GALNTL6: variants seen among roughly 807,000 people sequenced by gnomAD.
GALNTL6 encodes polypeptide N-acetylgalactosaminyltransferase-like 6.
Under a neutral mutation model 73.7 loss-of-function variants are expected in GALNTL6, and 46 were observed. The observed-to-expected ratio is 0.62, with a 90% CI of 0.49 to 0.80. The LOEUF is 0.80. Ranked by LOEUF, GALNTL6 falls within the 30% of genes least tolerant of loss-of-function variation. The pLI is 0.00. For synonymous variants in GALNTL6, 259 were observed against 263.7 expected (o/e 0.98, Z 0.17); for missense variants, 604 against 755.0 (o/e 0.80, Z 2.34).
Position 172,370,635 on chromosome 4 carries a change from A to AT in GALNTL6, c.553+21946_553+21947insT, listed in dbSNP as rs1367530623. 3.3e-5 allele frequency among the ~76,000 whole-genome samples: 5 copies of AT among 151,372 alleles called. No homozygotes were observed. The East Asian group carries it at 7.8e-4, about 24-fold the overall frequency. ...GACAGAGTGAGACTCCATCTCAAAA[A>AT]AAAAAAAAAAAAAAAAGAGTTTGAA... On this transcript the variant is annotated intron_variant, in intron 5 of 12. Coordinates refer to ENST00000506823, the MANE Select transcript of GALNTL6 (RefSeq NM_001034845.3).
At chr4:172,896,580 T>C (rs949349554) in intron 8 of GALNTL6, among the ~76,000 whole-genome samples, 6 of 151,750 alleles carry the variant, frequency 4.0e-5, no homozygotes, top group South Asian at 2.1e-4. Context: ...GGATCCTCAA[T>C]TGCAACAAGG....
chr4:172,276,673 C>A (rs894675658), intron 3 of GALNTL6, among the ~76,000 whole-genome samples: 2 of 151,912 alleles, frequency 1.3e-5, no homozygotes, highest in African/African-American at 2.4e-5. Context: ...AATCACACAA[C>A]CAACTAGGTT....
At chr4:172,286,031 C>T (rs1033775493) in intron 3 of GALNTL6, among the ~76,000 whole-genome samples, 7 of 152,142 alleles carry the variant, frequency 4.6e-5, no homozygotes, top group African/African-American at 9.7e-5. Flanking sequence ...TGCCATGAGT[C>T]GAAAGCATTG....
At chr4:172,457,250 G>C (rs1194941629) in intron 5 of GALNTL6, among the ~76,000 whole-genome samples, 2 of 150,874 alleles carry the variant, frequency 1.3e-5, no homozygotes, top group African/African-American at 4.9e-5. Context: ...ACCAGCCACT[G>C]CAAAAACATA....
At chr4:172,010,136 C>G (rs1173640075) in intron 2 of GALNTL6, among the ~76,000 whole-genome samples, 1 of 152,060 alleles carries the variant, frequency 6.6e-6, no homozygotes, top group Non-Finnish European at 1.5e-5. Flanking sequence ...TTATTGCTCC[C>G]TTTGCCTAGG....
intron 5 of GALNTL6, among the ~76,000 whole-genome samples, chr4:172,525,509 AACAG>A (rs1397338974): frequency 2.6e-5 from 4 of 152,128 alleles, no homozygotes; most frequent in African/African-American, 9.7e-5. Context: ...GTGAAATACA[AACAG>A]ACAATGAATT....
At chr4:172,674,463 A>C (rs1174838406) in intron 5 of GALNTL6, among the ~76,000 whole-genome samples, 1 of 151,930 alleles carries the variant, frequency 6.6e-6, no homozygotes, top group East Asian at 1.9e-4. Flanking sequence ...TTCTTTTGAC[A>C]TATCTTACTG....
chr4:172,892,168 G>A (rs1324926051), intron 8 of GALNTL6, among the ~76,000 whole-genome samples: 1 of 152,170 alleles, frequency 6.6e-6, no homozygotes, highest in Non-Finnish European at 1.5e-5. Flanking sequence ...ATGTGGTTAG[G>A]ATCCATTGCT....
At chr4:173,005,279 G>C (rs935689740) in intron 10 of GALNTL6, among the ~76,000 whole-genome samples, 2 of 152,058 alleles carry the variant, frequency 1.3e-5, no homozygotes, top group South Asian at 2.1e-4. Context: ...GCCAAGCACT[G>C]CCTCATTTTC....
At chr4:172,404,160 T>A (rs1436869411) in intron 5 of GALNTL6, among the ~76,000 whole-genome samples, 1 of 151,964 alleles carries the variant, frequency 6.6e-6, no homozygotes, top group Non-Finnish European at 1.5e-5. Flanking sequence ...TGCCTTAAAA[T>A]AAGGTTGCCA....
intron 7 of GALNTL6, among the ~76,000 whole-genome samples, chr4:172,855,195 T>TAA (rs1261494522): frequency 1.3e-3 from 13 of 9,742 alleles, no homozygotes; most frequent in African/African-American, 4.7e-3. Context: ...AACTTTGAGG[T>TAA]GAAAAAAAAA....
chr4:172,493,518 G>C (rs1461858506), intron 5 of GALNTL6, among the ~76,000 whole-genome samples: 1 of 152,114 alleles, frequency 6.6e-6, no homozygotes, highest in Non-Finnish European at 1.5e-5. Context: ...GCTAACTCAG[G>C]ATAACCAATA....
At chr4:172,054,877 T>C (rs1730978392) in intron 2 of GALNTL6, among the ~76,000 whole-genome samples, 2 of 152,186 alleles carry the variant, frequency 1.3e-5, no homozygotes, top group Non-Finnish European at 2.9e-5. Flanking sequence ...TAGTTCTGTT[T>C]CTTGATCCAA....
intron 2 of GALNTL6, among the ~76,000 whole-genome samples, chr4:172,120,682 G>T (rs1015727622): frequency 1.3e-5 from 2 of 151,982 alleles, no homozygotes; most frequent in Non-Finnish European, 2.9e-5. Flanking sequence ...GTGGGGTGGG[G>T]AATTGAGTTT....
chr4:172,110,428 G>A (rs925588912), intron 2 of GALNTL6, among the ~76,000 whole-genome samples: 3 of 152,154 alleles, frequency 2.0e-5, no homozygotes, highest in African/African-American at 7.2e-5. Context: ...AAACCTGTTT[G>A]GAGAAAGTGA....
chr4:172,614,413 A>G (rs550272505), intron 5 of GALNTL6, among the ~76,000 whole-genome samples: 3 of 152,292 alleles, frequency 2.0e-5, no homozygotes, highest in African/African-American at 7.2e-5. Context: ...AATTCTAACA[A>G]TTTATATTTT....
chr4:171,879,190 G>A (rs373700138), intron 2 of GALNTL6, among the ~76,000 whole-genome samples: 18 of 152,308 alleles, frequency 1.2e-4, no homozygotes, highest in African/African-American at 4.1e-4. Context: ...ACTAAGCCAT[G>A]AGCTTGTGCA....
At chr4:172,259,531 C>T (rs1341546208) in intron 3 of GALNTL6, among the ~76,000 whole-genome samples, 2 of 149,798 alleles carry the variant, frequency 1.3e-5, no homozygotes, top group Admixed American at 6.7e-5. Context: ...ATGCACAGTT[C>T]GTGAATATTT....
At chr4:172,359,085 T>C (rs535432286) in intron 5 of GALNTL6, among the ~76,000 whole-genome samples, 120 of 152,232 alleles carry the variant, frequency 7.9e-4, no homozygotes, top group African/African-American at 2.9e-3. Context: ...TGCACACAAA[T>C]GTTCACTGCA....
Sources: gnomAD v4.1 joint callset for allele counts (sites outside exome capture counted in the v4.1 genomes callset) on GRCh38, gnomAD v4.1.1 for gene constraint, MANE v1.5 for transcripts, NCBI Gene and HGNC (gene_info 2026-07-23, HGNC 2026-07-21) for gene names.